Variants in HECTD2 observed in about 807,000 individuals in gnomAD.
HECTD2 encodes the protein HECT domain E3 ubiquitin protein ligase 2.
In HECTD2, 35 loss-of-function variants were observed where a neutral mutation model predicts 103.2. The ratio of observed to expected loss-of-function variants is 0.34; its 90% CI spans 0.26 to 0.45. The LOEUF is 0.45. Among genes scored for constraint, HECTD2 ranks in the 20% least tolerant of loss-of-function variants. The pLI, the probability that HECTD2 is intolerant of heterozygous loss-of-function variation, is 1.00. For missense variants in HECTD2, 596 were observed against 937.4 expected, an observed-to-expected ratio of 0.64 and a Z score of 4.76; for synonymous variants, 281 against 329.9, an observed-to-expected ratio of 0.85 and a Z score of 1.61.
At chr10:91,445,754 G>A (rs980708556) in intron 2 of HECTD2, among the ~76,000 whole-genome samples, 3 of 152,078 alleles carry the variant, frequency 2.0e-5, no homozygotes, top group African/African-American at 7.2e-5. Flanking sequence ...GCAAGGTGAG[G>A]CTTTGCCACA....
chr10:91,478,197 A>T lies in HECTD2; in HGVS notation c.601-4A>T. ...ATTACCTTACTGTTTTCTTTTGCCT[A>T]CAGCCTCAAGACGTTCAGAAGACAG... is the stretch of plus-strand genomic sequence containing the variant. On this transcript the variant is annotated splice_region_variant and splice_polypyrimidine_tract_variant and intron_variant, in intron 5 of 20. Transcript: ENST00000298068. 1 of 1,603,454 alleles carries T rather than the reference A, an allele frequency of 6.2e-7. No homozygotes were observed. Among genetic ancestry groups the T allele is most frequent in the Non-Finnish European group, 8.5e-7 (1 of 1,170,810 alleles).
At chr10:91,502,479 A>C (rs906927550) in intron 20 of HECTD2, among the ~76,000 whole-genome samples, 2 of 152,220 alleles carry the variant, frequency 1.3e-5, no homozygotes, top group Admixed American at 1.3e-4. Flanking sequence ...TTAGTTCTTC[A>C]AGAAAGAGGT....
intron 6 of HECTD2, among the ~76,000 whole-genome samples, chr10:91,478,635 T>A (rs911897794): frequency 9.9e-5 from 15 of 152,166 alleles, no homozygotes; most frequent in Non-Finnish European, 2.1e-4. Context: ...GAAATTTTTC[T>A]TATTTCTATT....
At chr10:91,500,398 A>ATT in intron 18 of HECTD2, 104 bp from the exon 19 acceptor site, 1 of 558,394 alleles carries the variant, frequency 1.8e-6, no homozygotes. Flanking sequence ...TTGATTTACT[A>ATT]TGAGAAATCA....
At chr10:91,505,101 C>A (rs995494726) in intron 20 of HECTD2, among the ~76,000 whole-genome samples, 2 of 151,684 alleles carry the variant, frequency 1.3e-5, no homozygotes, top group African/African-American at 4.9e-5. Flanking sequence ...CAGGCCTGCC[C>A]TAAAAGAGCT....
At chr10:91,462,550 G>A in intron 5 of HECTD2, 1 of 1,041,906 alleles carries the variant, frequency 9.6e-7, no homozygotes, top group Non-Finnish European at 1.2e-6. Flanking sequence ...TTAAAATACA[G>A]AATTTCAGAT....
chr10:91,420,315 G>A (rs1181815969), intron 1 of HECTD2, among the ~76,000 whole-genome samples: 1 of 151,296 alleles, frequency 6.6e-6, no homozygotes, highest in African/African-American at 2.4e-5. Flanking sequence ...GCTGGGTGCA[G>A]TGGCTCACAT....
intron 1 of HECTD2, among the ~76,000 whole-genome samples, chr10:91,416,068 A>C (rs936699540): frequency 2.6e-5 from 4 of 151,836 alleles, no homozygotes; most frequent in African/African-American, 2.4e-5. Flanking sequence ...GCCATAATGT[A>C]GTGCTTGCTT....
Position 91,445,267 on chromosome 10 carries a change from T to C in HECTD2, c.269-15160T>C, listed in dbSNP as rs532818159. ...GCCAGCACAGATGGCAACAGCAGTA[T>C]TGGAGGTAAAGAAGAGTCTATGAAG... On this transcript the variant is annotated intron_variant, in intron 2 of 20. Transcript: ENST00000298068. Among the ~76,000 whole-genome samples, 16 of 152,200 alleles carry C rather than the reference T, an allele frequency of 1.1e-4. No homozygotes were observed. In the East Asian group the frequency reaches 1.4e-3, roughly 13 times the overall value.
At chr10:91,424,038 G>A (rs1843458862) in intron 1 of HECTD2, among the ~76,000 whole-genome samples, 2 of 152,084 alleles carry the variant, frequency 1.3e-5, no homozygotes, top group Non-Finnish European at 2.9e-5. Context: ...GTTTATTATT[G>A]CTAATGATAT....
chr10:91,437,497 A>G (rs1844168625), intron 2 of HECTD2, among the ~76,000 whole-genome samples: 2 of 152,052 alleles, frequency 1.3e-5, no homozygotes, highest in East Asian at 1.9e-4. Context: ...GGAGTCATTA[A>G]GCCTGGCTTA....
chr10:91,508,954 A>G (rs1206284618), intron 20 of HECTD2, among the ~76,000 whole-genome samples: 2 of 151,996 alleles, frequency 1.3e-5, no homozygotes, highest in Non-Finnish European at 2.9e-5. Flanking sequence ...ATAAAAAATG[A>G]TGAGTTCATG....
intron 2 of HECTD2, among the ~76,000 whole-genome samples, chr10:91,449,928 A>G (rs971755907): frequency 2.2e-5 from 3 of 138,960 alleles, no homozygotes; most frequent in Non-Finnish European, 4.4e-5. Flanking sequence ...GGAAGAATCA[A>G]TATCATGAAA....
intron 2 of HECTD2, among the ~76,000 whole-genome samples, chr10:91,433,902 C>T (rs552438302): frequency 6.6e-6 from 1 of 152,062 alleles, no homozygotes; most frequent in African/African-American, 2.4e-5. Flanking sequence ...TCAAACCCAT[C>T]TCAAGGCTGT....
At chr10:91,438,338 T>C (rs974682909) in intron 2 of HECTD2, among the ~76,000 whole-genome samples, 1 of 152,168 alleles carries the variant, frequency 6.6e-6, no homozygotes, top group African/African-American at 2.4e-5. Context: ...CAGTGTTTGG[T>C]TTTCTATTCC....
At chr10:91,428,521 C>G (rs891012322) in intron 2 of HECTD2, among the ~76,000 whole-genome samples, 1 of 152,078 alleles carries the variant, frequency 6.6e-6, no homozygotes, top group Admixed American at 6.6e-5. Context: ...ATGGAATGTT[C>G]TTCCATTTGT....
At chr10:91,445,258 A>G (rs1844549819) in intron 2 of HECTD2, among the ~76,000 whole-genome samples, 1 of 152,138 alleles carries the variant, frequency 6.6e-6, no homozygotes, top group Non-Finnish European at 1.5e-5. Context: ...ACAGATGGCA[A>G]CAGCAGTATT....
At chr10:91,498,256 C>A in intron 16 of HECTD2, 74 bp downstream of exon 16, 1 of 992,866 alleles carries the variant, frequency 1.0e-6, no homozygotes, top group Non-Finnish European at 1.6e-6. Context: ...TTATTAAATA[C>A]CCACTGTTAG....
At chr10:91,478,887 G>T (rs1421155674) in intron 6 of HECTD2, among the ~76,000 whole-genome samples, 1 of 151,846 alleles carries the variant, frequency 6.6e-6, no homozygotes, top group African/African-American at 2.4e-5. Flanking sequence ...TACCTAAGTA[G>T]AATTCTTAAA....
Sources: gnomAD v4.1 joint callset for allele counts (sites outside exome capture counted in the v4.1 genomes callset) on GRCh38, gnomAD v4.1.1 for gene constraint, MANE v1.5 for transcripts, NCBI Gene and HGNC (gene_info 2026-07-23, HGNC 2026-07-21) for gene names.